Variants in RIN2 observed in about 807,000 individuals in gnomAD.
RIN2 encodes Ras and Rab interactor 2.
RIN2 carries 36 observed loss-of-function variants against 78.0 expected under a neutral mutation model. The observed-to-expected ratio is 0.46, with a 90% CI of 0.35 to 0.61. RIN2 has a LOEUF of 0.61. RIN2 is among the 20% of genes least tolerant of loss of function. The pLI is 0.00. For synonymous variants in RIN2, 466 were observed against 466.8 expected (o/e 1.00, Z 0.02); for missense variants, 1,087 against 1,159.7 (o/e 0.94, Z 0.91).
chr20:19,861,627 A>G (rs997025290), intron 2 of RIN2, among the ~76,000 whole-genome samples: 2 of 148,294 alleles, frequency 1.3e-5, no homozygotes, highest in Non-Finnish European at 3.0e-5. Flanking sequence ...ATCACCCTCC[A>G]TATCTAATGA....
intron 1 of RIN2, among the ~76,000 whole-genome samples, chr20:19,789,457 T>C: frequency 6.6e-6 from 1 of 152,240 alleles, no homozygotes; most frequent in East Asian, 1.9e-4. Context: ...TCTTTTGTTA[T>C]GTGACACTCT....
intron 3 of RIN2, among the ~76,000 whole-genome samples, chr20:19,909,504 A>G (rs1032969841): frequency 6.6e-6 from 1 of 151,836 alleles, no homozygotes; most frequent in African/African-American, 2.4e-5. Flanking sequence ...ATCCGAGATG[A>G]GCATTTGTGT....
chr20:19,956,180 C>T (rs1242111289), intron 4 of RIN2, among the ~76,000 whole-genome samples: 1 of 150,358 alleles, frequency 6.7e-6, no homozygotes, highest in African/African-American at 2.5e-5. Context: ...ATCACTTGAA[C>T]CCAGGAGACG....
intron 2 of RIN2, among the ~76,000 whole-genome samples, chr20:19,880,843 A>T (rs910875826): frequency 6.6e-6 from 1 of 152,182 alleles, no homozygotes; most frequent in Non-Finnish European, 1.5e-5. Flanking sequence ...TGGTTCCATA[A>T]AGGAAGATCT....
chr20:19,972,840 T>G (rs2042150347), intron 8 of RIN2, among the ~76,000 whole-genome samples: 1 of 152,200 alleles, frequency 6.6e-6, no homozygotes, highest in Non-Finnish European at 1.5e-5. Flanking sequence ...AATAGAAACA[T>G]AAGGCTAATC....
At chr20:19,758,665 G>T (rs1475001755) in intron 1 of RIN2, among the ~76,000 whole-genome samples, 1 of 152,220 alleles carries the variant, frequency 6.6e-6, no homozygotes, top group South Asian at 2.1e-4. Flanking sequence ...CAGGCACTAT[G>T]GCTCGAGGTG....
Position 19,882,786 on chromosome 20 carries a change from C to T in RIN2, c.-36-6780C>T, listed in dbSNP as rs542759773. ...CAAACTGCACTAGTCCATGTATACA[C>T]GGGTTTTTTTCAATAAACATATTGG... On this transcript the variant is annotated intron_variant, in intron 2 of 12. Transcript: ENST00000255006. Among the ~76,000 whole-genome samples, 12 of 152,050 alleles carry T rather than the reference C, an allele frequency of 7.9e-5. No individual in the cohort carries two copies. The South Asian group carries it at 1.0e-3, about 13-fold the overall frequency.
At chr20:19,849,582 A>G (rs539876188) in intron 2 of RIN2, among the ~76,000 whole-genome samples, 1 of 152,302 alleles carries the variant, frequency 6.6e-6, no homozygotes, top group South Asian at 2.1e-4. Flanking sequence ...GTTGACACAA[A>G]GCCACATTTG....
chr20:19,817,185 C>T (rs1421527795), intron 2 of RIN2, among the ~76,000 whole-genome samples: 1 of 152,208 alleles, frequency 6.6e-6, no homozygotes, highest in East Asian at 1.9e-4. Context: ...CTGGGTTGGT[C>T]CATTCCGGCT....
rs550668821 is a variant in RIN2, at chr20:19,819,226, G to A, written c.-37+19479G>A. Among the ~76,000 whole-genome samples, 535 of 152,304 alleles carry A rather than the reference G, an allele frequency of 3.5e-3. 3 individuals carry two copies. Among genetic ancestry groups the A allele is most frequent in the Non-Finnish European group, 5.5e-3 (371 of 68,024 alleles). On this transcript the variant is annotated intron_variant, in intron 2 of 12. Coordinates refer to ENST00000255006, the MANE Select transcript of RIN2 (RefSeq NM_018993.4). ...AGGCTGAGAAGTCCAAGGTCCAGGT[G>A]CCAGCATGGTCAGGCTCTGATGAGG...
At chr20:19,888,006 C>T (rs188543520) in intron 2 of RIN2, among the ~76,000 whole-genome samples, 41 of 112,856 alleles carry the variant, frequency 3.6e-4, no homozygotes, top group Non-Finnish European at 6.4e-4. Flanking sequence ...GTTGCTCCAA[C>T]CTGTGGCCTT....
intron 2 of RIN2, among the ~76,000 whole-genome samples, chr20:19,824,928 C>T (rs2036040251): frequency 6.6e-6 from 1 of 152,192 alleles, no homozygotes; most frequent in Non-Finnish European, 1.5e-5. Flanking sequence ...AATGTGATGG[C>T]TCTCAGTGGC....
intron 2 of RIN2, among the ~76,000 whole-genome samples, chr20:19,837,388 A>G (rs1369183365): frequency 6.6e-6 from 1 of 152,260 alleles, no homozygotes; most frequent in African/African-American, 2.4e-5. Flanking sequence ...TCCACAGGGA[A>G]GCATTATCTC....
In RIN2 at chr20:19,960,791, C is replaced by T. The variant is rs2041719329; in HGVS notation, c.443C>T (p.Ala148Val). 1 of 1,597,038 alleles carries T rather than the reference C, an allele frequency of 6.3e-7. No homozygotes were observed. Among genetic ancestry groups the T allele is most frequent in the East Asian group, 2.3e-5 (1 of 44,386 alleles). The change falls in exon 6 of 13, where the codon GCC (alanine) becomes GTC (valine). Residue 148 changes from alanine to valine, a missense_variant. Physicochemically the swap from Ala to Val is moderately conservative, Grantham distance 64. This residue lies in a region of RIN2 where 706 missense variants were observed against 667.5 expected (regional missense o/e 1.06). Transcript: ENST00000255006. Reference sequence around the variant, plus strand: ...TTTGGGGCCCCACTCAAGGAATTTGCCATAAAGGAAAGCACATACAGTAAG... The same window carrying T: ...TTTGGGGCCCCACTCAAGGAATTTGTCATAAAGGAAAGCACATACAGTAAG... ...CEFGAPLKEF[A>V]IKESTYTFSL... is the part of the protein sequence containing the mutation.
chr20:19,889,142 C>A, intron 2 of RIN2: 1 of 985,406 alleles, frequency 1.0e-6, no homozygotes, highest in Non-Finnish European at 1.2e-6. Flanking sequence ...ATGACCTCAC[C>A]CCCTTCCAGC....
intron 1 of RIN2, among the ~76,000 whole-genome samples, chr20:19,762,755 A>ATTTT (rs1364072279): frequency 2.8e-5 from 4 of 142,846 alleles, no homozygotes; most frequent in Non-Finnish European, 4.7e-5. Context: ...AATGTGATTT[A>ATTTT]TTTTATTTAT....
At chr20:19,830,597 C>T (rs1372194604) in intron 2 of RIN2, among the ~76,000 whole-genome samples, 4 of 152,174 alleles carry the variant, frequency 2.6e-5, no homozygotes, top group Admixed American at 1.3e-4. Flanking sequence ...GAGGTTGGGC[C>T]GGAATTTCCT....
chr20:19,886,000 G>A (rs1224638941), intron 2 of RIN2, among the ~76,000 whole-genome samples: 1 of 152,014 alleles, frequency 6.6e-6, no homozygotes, highest in East Asian at 1.9e-4. Context: ...GACAGTAGAG[G>A]TGGGCGGGGA....
intron 1 of RIN2, among the ~76,000 whole-genome samples, chr20:19,758,973 C>A (rs1401462318): frequency 1.3e-5 from 2 of 152,174 alleles, no homozygotes; most frequent in Non-Finnish European, 2.9e-5. Context: ...GCGCAGCGGG[C>A]GGAGGAGGAG....
Sources: allele counts gnomAD v4.1 joint callset (sites outside exome capture counted in the v4.1 genomes callset), GRCh38; gene constraint gnomAD v4.1.1; regional missense constraint gnomAD v4.1.1; transcripts MANE v1.5; gene names NCBI Gene and HGNC (gene_info 2026-07-23, HGNC 2026-07-21).